ALG11: variants seen among roughly 807,000 people sequenced by gnomAD.
The protein encoded by ALG11 is ALG11 alpha-1,2-mannosyltransferase, also known as GDP-Man:Man(3)GlcNAc(2)-PP-Dol alpha-1,2-mannosyltransferase.
Under a neutral mutation model 38.8 loss-of-function variants are expected in ALG11, and 26 were observed. The observed-to-expected ratio is 0.67, with a 90% confidence interval of 0.49 to 0.93. ALG11 has a LOEUF of 0.93. ALG11 is among the 40% of genes least tolerant of loss of function. The pLI is 0.00. For synonymous variants in ALG11, 199 were observed against 211.6 expected (o/e 0.94, Z 0.52); for missense variants, 535 against 578.8 (o/e 0.92, Z 0.78).
chr13:52,019,253 ACT>A, intron 2 of ALG11, 110 bp downstream of exon 2: 1 of 943,724 alleles, frequency 1.1e-6, no homozygotes, highest in East Asian at 2.8e-5. Flanking sequence ...ACAGAGTCTT[ACT>A]CTGTCACCCA....
At chr13:52,025,233 A>T (rs1954229361) in intron 3 of ALG11, among the ~76,000 whole-genome samples, 1 of 151,432 alleles carries the variant, frequency 6.6e-6, no homozygotes, top group South Asian at 2.1e-4. Flanking sequence ...TTTTATAAAT[A>T]AAGAAACTCA....
Position 52,029,616 on chromosome 13 carries a change from A to G in ALG11, c.*1026A>G, listed in dbSNP as rs775162593. The G allele has an allele frequency of 4.3e-6, 7 of 1,614,120 alleles. No individual in the cohort carries two copies. The East Asian group carries it at 1.6e-4, about 36-fold the overall frequency. On this transcript the variant is annotated 3_prime_UTR_variant, in exon 4 of 4. Transcript: ENST00000521508. ...GCCTTAAAAGAGTTTGAGCAGCTAC[A>G]GAAGGTTAATCCAACTGTGGCACTG... is the stretch of plus-strand genomic sequence containing the variant.
Position 52,028,653 on chromosome 13 carries a change from A to AT in ALG11, c.*68dup. The AT allele has an allele frequency of 2.6e-6, 4 of 1,561,784 alleles. No individual in the cohort carries two copies. The highest frequency in any genetic ancestry group is 3.5e-6 in the Non-Finnish European group (4 of 1,142,170). ...TGGTTAAACACCTTCATATGTAAATATTTTTCTAAATTCAATCTCATTTGT... is the reference window on the plus strand; with the variant it reads ...TGGTTAAACACCTTCATATGTAAATATTTTTTCTAAATTCAATCTCATTTGT... On this transcript the variant is annotated 3_prime_UTR_variant, in exon 4 of 4. Transcript: ENST00000521508.
Position 52,028,754 on chromosome 13 carries a change from C to T in ALG11, c.*164C>T. The T allele has an allele frequency of 6.2e-7, 1 of 1,612,978 alleles. No homozygotes were observed. Among genetic ancestry groups the T allele is most frequent in the Non-Finnish European group, 8.5e-7 (1 of 1,179,114 alleles). ...GAAGTGTTGAAAAGAAAATGGATGACTAGCCTTCGGCTTCCATTCTTGGTA... is the reference window on the plus strand; with the variant it reads ...GAAGTGTTGAAAAGAAAATGGATGATTAGCCTTCGGCTTCCATTCTTGGTA... On this transcript the variant is annotated 3_prime_UTR_variant, in exon 4 of 4. Coordinates refer to ENST00000521508, the MANE Select transcript of ALG11 (RefSeq NM_001004127.3).
chr13:52,012,554 C>T (rs1395078771), intron 1 of ALG11, 92 bp downstream of exon 1: 6 of 1,551,886 alleles, frequency 3.9e-6, no homozygotes, highest in Admixed American at 3.5e-5. Context: ...GGCAAATGGC[C>T]TTCCTTGTCA....
At chr13:52,023,857 T>G in intron 2 of ALG11, 149 bp from the exon 3 acceptor site, 1 of 499,810 alleles carries the variant, frequency 2.0e-6, no homozygotes, top group Non-Finnish European at 3.5e-6. Context: ...TTCGGTGGCA[T>G]GATCACGGCT....
intron 2 of ALG11, chr13:52,023,066 C>G (rs376669152): frequency 1.3e-5 from 2 of 152,178 alleles, no homozygotes; most frequent in African/African-American, 4.8e-5. Flanking sequence ...CTAATTATAT[C>G]TAATTGTGAT....
chr13:52,032,963 G>C lies in ALG11; in HGVS notation c.*4373G>C, dbSNP rs1365191896. 6.0e-6 allele frequency: 1 copy of C among 167,000 alleles called. No homozygotes were observed. The highest frequency in any genetic ancestry group is 1.9e-4 in the East Asian group (1 of 5,206). 10.3% of individuals were successfully genotyped at this position (167,000 alleles called of 1,614,324 possible). A position where few individuals can be genotyped will look rare whatever the true frequency, so the allele number is the denominator to read the frequency against. On this transcript the variant is annotated 3_prime_UTR_variant, in exon 4 of 4. Coordinates refer to ENST00000521508, the MANE Select transcript of ALG11 (RefSeq NM_001004127.3). ...TACACTTTGAAGTAAGATTCAAACT[G>C]TTATCCACTCAATTGCCTTATTCCT... is the stretch of plus-strand genomic sequence containing the variant.
chr13:52,019,533 A>G (rs1354086962), intron 2 of ALG11, among the ~76,000 whole-genome samples: 1 of 152,166 alleles, frequency 6.6e-6, no homozygotes, highest in African/African-American at 2.4e-5. Flanking sequence ...ATCTTTCTAA[A>G]GTACCTAAAG....
intron 1 of ALG11, among the ~76,000 whole-genome samples, chr13:52,013,361 A>G (rs1362791908): frequency 2.0e-5 from 3 of 152,224 alleles, no homozygotes; most frequent in Non-Finnish European, 2.9e-5. Context: ...TGTCCACTCT[A>G]CTTCAAATTC....
chr13:52,012,559 T>C (rs1954081223), intron 1 of ALG11, 97 bp downstream of exon 1: 8 of 1,521,470 alleles, frequency 5.3e-6, no homozygotes, highest in African/African-American at 1.4e-5. Context: ...ATGGCCTTCC[T>C]TGTCATGAAT....
chr13:52,019,525 C>A (rs911065267), intron 2 of ALG11, among the ~76,000 whole-genome samples: 1 of 152,240 alleles, frequency 6.6e-6, no homozygotes, highest in Non-Finnish European at 1.5e-5. Context: ...CCGGCCTCAT[C>A]TTTCTAAAGT....
rs1419365784 is a variant in ALG11 at position 52,033,147 on chromosome 13, A to AT, written c.*4559dup. 6.0e-6 allele frequency: 1 copy of AT among 166,998 alleles called. No homozygotes were observed. Among genetic ancestry groups the AT allele is most frequent in the African/African-American group, 2.4e-5 (1 of 41,428 alleles). The allele number at this position is 166,998 out of a possible 1,614,324, so 10.3% of individuals were successfully genotyped here. A position where few individuals can be genotyped will look rare whatever the true frequency, so the allele number is the denominator to read the frequency against. ...GTGTTCCTAATTTGGTATTACATGT[A>AT]TTCTATTTTTTTCTGAATGATAGCA... On this transcript the variant is annotated 3_prime_UTR_variant, in exon 4 of 4. Transcript: ENST00000521508.
intron 3 of ALG11, among the ~76,000 whole-genome samples, chr13:52,027,741 G>C (rs143174275): frequency 2.0e-5 from 3 of 152,168 alleles, no homozygotes; most frequent in African/African-American, 7.2e-5. Context: ...ACATAAGCAC[G>C]GCGATAGTAT....
At chr13:52,014,194 A>G (rs1203650263) in intron 1 of ALG11, among the ~76,000 whole-genome samples, 4 of 152,218 alleles carry the variant, frequency 2.6e-5, no homozygotes, top group Admixed American at 2.0e-4. Context: ...ACATATCACT[A>G]GATTGAATGC....
Position 52,029,908 on chromosome 13 carries a change from C to T in ALG11, c.*1318C>T, listed in dbSNP as rs200700796. 1.1e-4 allele frequency: 182 copies of T among 1,614,180 alleles called. No individual in the cohort carries two copies. The highest frequency in any genetic ancestry group is 3.4e-5 in the Non-Finnish European group (40 of 1,180,044). On this transcript the variant is annotated 3_prime_UTR_variant, in exon 4 of 4. Transcript: ENST00000521508. ...CGAATGAAGTGCAGATGAATGTGGA[C>T]GGACCGAATCCCTGGATGTTCAGGA... is the stretch of plus-strand genomic sequence containing the variant.
intron 1 of ALG11, among the ~76,000 whole-genome samples, chr13:52,018,644 G>A (rs1954155809): frequency 6.6e-6 from 1 of 152,092 alleles, no homozygotes; most frequent in Admixed American, 6.5e-5. Flanking sequence ...AGGAGAAAGG[G>A]GGTTCAATGT....
In ALG11 at chr13:52,031,017, A is replaced by G. The variant is rs1314789111; in HGVS notation, c.*2427A>G. The G allele has an allele frequency of 6.2e-7, 1 of 1,614,228 alleles. No individual in the cohort carries two copies. The highest frequency in any genetic ancestry group is 1.1e-5 in the South Asian group (1 of 91,086). On this transcript the variant is annotated 3_prime_UTR_variant, in exon 4 of 4. Transcript: ENST00000521508. Reference sequence around the variant, plus strand: ...CCCATAAAAGCAGAGGATGTGGGCTACCAGTCTTCCTCAAGGTCAGACCTG... The same window carrying G: ...CCCATAAAAGCAGAGGATGTGGGCTGCCAGTCTTCCTCAAGGTCAGACCTG...
chr13:52,028,094 T>TAA (rs142915895), intron 3 of ALG11, among the ~76,000 whole-genome samples: 10 of 144,228 alleles, frequency 6.9e-5, no homozygotes, highest in Admixed American at 2.8e-4. Flanking sequence ...CCCTATCTCT[T>TAA]AAAAAAAAAA....
Sources: allele counts gnomAD v4.1 joint callset (sites outside exome capture counted in the v4.1 genomes callset), GRCh38; gene constraint gnomAD v4.1.1; transcripts MANE v1.5; gene names NCBI Gene and HGNC (gene_info 2026-07-23, HGNC 2026-07-21).